The following MALRD1 variants were observed in gnomAD, a reference collection of about 807,000 sequenced individuals.
MALRD1 encodes the protein MAM and LDL receptor class A domain containing 1.
Under a neutral mutation model 242.1 loss-of-function variants are expected in MALRD1, and 247 were observed. The observed-to-expected ratio is 1.02, with a 90% confidence interval of 0.92 to 1.13. MALRD1 has a LOEUF of 1.13. Among genes scored for constraint, MALRD1 ranks in the 50% most tolerant of loss-of-function variants. The pLI is 0.00. For synonymous variants in MALRD1, 995 were observed against 866.6 expected (o/e 1.15, Z -2.60); for missense variants, 2,989 against 2,533.1 (o/e 1.18, Z -3.86).
At chr10:19,300,296 G>A (rs181012429) in intron 21 of MALRD1, among the ~76,000 whole-genome samples, 342 of 152,002 alleles carry the variant, frequency 2.2e-3, no homozygotes, top group African/African-American at 7.9e-3. Context: ...ACTGCCCAAA[G>A]CAATTATAGA....
intron 1 of MALRD1, among the ~76,000 whole-genome samples, chr10:19,056,421 A>G (rs1043302889): frequency 6.6e-6 from 1 of 151,988 alleles, no homozygotes; most frequent in Non-Finnish European, 1.5e-5. Context: ...AATTAAATTT[A>G]TATCTAAGTA....
chr10:19,639,128 G>T (rs1015872440), intron 36 of MALRD1, among the ~76,000 whole-genome samples: 2 of 152,032 alleles, frequency 1.3e-5, no homozygotes, highest in African/African-American at 4.8e-5. Flanking sequence ...GTTTAAAAAT[G>T]AGCAATATTT....
rs1564555264 is a variant in MALRD1 at position 19,315,616 on chromosome 10, A to AAAT, written c.3420-8333_3420-8332insAAT. 3.1e-4 allele frequency among the ~76,000 whole-genome samples: 36 copies of AAAT among 114,888 alleles called. 1 individual carries two copies. The East Asian group carries it at 8.8e-3, about 28-fold the overall frequency. The allele number at this position is 114,888 out of a possible 152,430, so 75.4% of individuals were successfully genotyped here. A position where few individuals can be genotyped will look rare whatever the true frequency, so the allele number is the denominator to read the frequency against. The stretch of plus-strand genomic sequence containing the variant: ...ATATTTATATAAATTATAAATATTT[A>AAAT]TATAAATTATAAATATTATTTATAT... On this transcript the variant is annotated intron_variant, in intron 21 of 39. Coordinates refer to ENST00000454679, the MANE Select transcript of MALRD1 (RefSeq NM_001142308.3).
upstream of MALRD1, among the ~76,000 whole-genome samples, chr10:19,047,567 C>A (rs1834369288): frequency 1.3e-5 from 2 of 151,594 alleles, no homozygotes; most frequent in Admixed American, 6.6e-5. Context: ...ATTTAAGGGA[C>A]AAGCAAAGAA....
intron 28 of MALRD1, among the ~76,000 whole-genome samples, chr10:19,443,686 C>T (rs1414458257): frequency 3.3e-5 from 5 of 152,154 alleles, no homozygotes; most frequent in African/African-American, 7.2e-5. Flanking sequence ...GTCTGTGAGA[C>T]AGTTTGTTAT....
intron 29 of MALRD1, chr10:19,489,031 T>C (rs1234770593): frequency 2.2e-6 from 1 of 457,028 alleles, no homozygotes; most frequent in Non-Finnish European, 4.4e-6. Context: ...GCCAGGGGTC[T>C]CAGCAGCTCG....
rs138106828 is a variant in MALRD1 at position 19,367,733 on chromosome 10, A to T, written c.4441+15436A>T. 1.5e-3 allele frequency among the ~76,000 whole-genome samples: 224 copies of T among 152,242 alleles called. 1 individual carries two copies. The East Asian group carries it at 0.024, about 16-fold the overall frequency. On this transcript the variant is annotated intron_variant, in intron 26 of 39. Coordinates refer to ENST00000454679, the MANE Select transcript of MALRD1 (RefSeq NM_001142308.3). ...TAGTTTTCATTCTCAAGAAGAGTGT[A>T]TAAGAGTTCTCTTTTCTCTGCATTC...
intron 28 of MALRD1, among the ~76,000 whole-genome samples, chr10:19,426,223 A>G (rs1833899117): frequency 6.6e-6 from 1 of 152,158 alleles, no homozygotes. Context: ...ATGTTTCAGA[A>G]TGAGGAAAAT....
At chr10:19,291,739 A>T (rs925700938) in intron 21 of MALRD1, among the ~76,000 whole-genome samples, 12 of 152,108 alleles carry the variant, frequency 7.9e-5, no homozygotes, top group African/African-American at 2.9e-4. Context: ...TAACTAATTT[A>T]AAAAAACAAA....
At chr10:19,728,386 G>A (rs1031933932) in intron 38 of MALRD1, 2 of 152,200 alleles carry the variant, frequency 1.3e-5, no homozygotes, top group Non-Finnish European at 2.9e-5. Context: ...TAACAGAGCT[G>A]AGAATTATAT....
At chr10:19,189,441 A>T (rs540267759) in intron 14 of MALRD1, among the ~76,000 whole-genome samples, 1 of 152,296 alleles carries the variant, frequency 6.6e-6, no homozygotes, top group African/African-American at 2.4e-5. Flanking sequence ...GAAGACAAGG[A>T]ATATTTTCTA....
chr10:19,239,376 T>C (rs1388383677), intron 18 of MALRD1, among the ~76,000 whole-genome samples: 1 of 152,176 alleles, frequency 6.6e-6, no homozygotes, highest in Non-Finnish European at 1.5e-5. Flanking sequence ...TTGTTTAAGT[T>C]TCTTATATAA....
chr10:19,729,001 C>CT (rs914583680), intron 38 of MALRD1, among the ~76,000 whole-genome samples: 1 of 152,168 alleles, frequency 6.6e-6, no homozygotes. Context: ...TCAATTCAGA[C>CT]TTTTTTCAAT....
At chr10:19,497,625 A>C (rs1033104576) in intron 30 of MALRD1, among the ~76,000 whole-genome samples, 4 of 152,060 alleles carry the variant, frequency 2.6e-5, no homozygotes, top group African/African-American at 7.2e-5. Context: ...TTGTATGTTA[A>C]GGAAAAGTTG....
At chr10:19,141,887 G>A (rs904055738) in intron 10 of MALRD1, among the ~76,000 whole-genome samples, 1 of 152,040 alleles carries the variant, frequency 6.6e-6, no homozygotes, top group Admixed American at 6.6e-5. Context: ...AAAAAAAAAT[G>A]TTGGGCCGGG....
At chr10:19,125,363 T>C (rs2131385718) in intron 7 of MALRD1, among the ~76,000 whole-genome samples, 2 of 124,780 alleles carry the variant, frequency 1.6e-5, no homozygotes, top group South Asian at 2.9e-4. Flanking sequence ...CTTTCTTTCT[T>C]TCTTTCTTTC....
chr10:19,164,662 G>C (rs568262872), intron 12 of MALRD1, among the ~76,000 whole-genome samples: 34 of 152,138 alleles, frequency 2.2e-4, no homozygotes, highest in Admixed American at 6.6e-5. Context: ...AAACAACATT[G>C]AGGGAATTAA....
chr10:19,192,625 T>C (rs981372668), intron 14 of MALRD1, among the ~76,000 whole-genome samples: 1 of 152,206 alleles, frequency 6.6e-6, no homozygotes, highest in Non-Finnish European at 1.5e-5. Context: ...TACCTTGTAC[T>C]TTTATTACTA....
intron 21 of MALRD1, among the ~76,000 whole-genome samples, chr10:19,293,513 A>G (rs1363929006): frequency 1.3e-5 from 2 of 152,220 alleles, no homozygotes; most frequent in East Asian, 3.8e-4. Flanking sequence ...AGTAAATTAA[A>G]TCACTTTAAT....
Sources: gnomAD v4.1 joint callset for allele counts (sites outside exome capture counted in the v4.1 genomes callset) on GRCh38, gnomAD v4.1.1 for gene constraint, MANE v1.5 for transcripts, NCBI Gene and HGNC (gene_info 2026-07-23, HGNC 2026-07-21) for gene names.